HS6ST2: variants seen among roughly 807,000 people sequenced by gnomAD.
HS6ST2 encodes heparan sulfate 6-O-sulfotransferase 2.
A neutral mutation model predicts 33.0 loss-of-function variants in HS6ST2; 17 were observed. The ratio of observed to expected loss-of-function variants is 0.52; its 90% CI spans 0.35 to 0.77. HS6ST2 has a LOEUF of 0.77. Among genes scored for constraint, HS6ST2 ranks in the 30% least tolerant of loss-of-function variants. The probability of loss-of-function intolerance (pLI) is 0.01; values close to 1 mark genes in which losing one functional copy is unlikely to be tolerated. For missense variants in HS6ST2, 519 were observed against 551.7 expected (o/e 0.94, Z 0.59); for synonymous variants, 248 against 237.1 (o/e 1.05, Z -0.42).
intron 2 of HS6ST2, among the ~76,000 whole-genome samples, chrX:132,916,151 T>C (rs2066587793): frequency 9.0e-6 from 1 of 111,668 alleles, no homozygotes; most frequent in Non-Finnish European, 1.9e-5. Context: ...TGTAACATTG[T>C]GAAGAGAACT....
At chrX:132,699,350 A>G (rs2064125419) in intron 3 of HS6ST2, among the ~76,000 whole-genome samples, 1 of 111,789 alleles carries the variant, frequency 8.9e-6, no homozygotes, top group Admixed American at 9.5e-5. Context: ...TTTTATTTAT[A>G]CATATTTTGA....
At chrX:132,886,478 T>C (rs2066254032) in intron 2 of HS6ST2, among the ~76,000 whole-genome samples, 2 of 110,991 alleles carry the variant, frequency 1.8e-5, no homozygotes, top group African/African-American at 6.5e-5. Context: ...TTAATGAAAA[T>C]TCTAGGAGAG....
At chrX:132,778,684 C>T (rs925407296) in intron 2 of HS6ST2, among the ~76,000 whole-genome samples, 4 of 110,548 alleles carry the variant, frequency 3.6e-5, no homozygotes, top group Non-Finnish European at 3.8e-5. Flanking sequence ...GATTACAGGC[C>T]CGGCCAAAAT....
At chrX:132,634,813 C>T (rs2063541837) in intron 4 of HS6ST2, among the ~76,000 whole-genome samples, 2 of 111,486 alleles carry the variant, frequency 1.8e-5, no homozygotes, top group African/African-American at 6.5e-5. Context: ...TCCTTCAAAG[C>T]TTTGCTAAAT....
chrX:132,892,649 T>A, intron 2 of HS6ST2, among the ~76,000 whole-genome samples: 1 of 111,527 alleles, frequency 9.0e-6, no homozygotes, highest in Admixed American at 9.6e-5. Flanking sequence ...TGAAACCCCG[T>A]CTCTACTAAA....
chrX:132,637,900 A>ATATTATATATATATTTTATATATT (rs1320085879), intron 4 of HS6ST2, among the ~76,000 whole-genome samples: 1 of 45,660 alleles, frequency 2.2e-5, no homozygotes, highest in Admixed American at 3.7e-4. Flanking sequence ...TTTTATATAT[A>ATATTATATATATATTTTATATATT]ATATTATATA....
rs191350805 is a variant in HS6ST2 at position 132,817,170 on chromosome X, G to A, written c.948-108676C>T. Among the ~76,000 whole-genome samples the A allele has an allele frequency of 1.3e-4, 15 of 111,195 alleles. No individual in the cohort carries two copies. In the East Asian group the frequency reaches 4.0e-3, roughly 30 times the overall value. On this transcript the variant is annotated intron_variant, in intron 2 of 4. Transcript: ENST00000370833. ...GCATTGAGGTGGTTGAACAGGATTC[G>A]CATCTCCCCCCACCTTCCCCTCAAT...
chrX:132,797,969 C>T (rs1250868130), intron 2 of HS6ST2, among the ~76,000 whole-genome samples: 3 of 99,468 alleles, frequency 3.0e-5, no homozygotes, highest in Non-Finnish European at 6.0e-5. Flanking sequence ...GCCCAGATCG[C>T]GCCTCTGCAC....
At chrX:132,857,621 A>C (rs1320053784) in intron 2 of HS6ST2, among the ~76,000 whole-genome samples, 2 of 112,647 alleles carry the variant, frequency 1.8e-5, no homozygotes, top group Non-Finnish European at 3.8e-5. Flanking sequence ...AATAATAGGA[A>C]GGAAAAATGG....
At chrX:132,794,574 GATTATTATTATT>G (rs1556445928) in intron 2 of HS6ST2, among the ~76,000 whole-genome samples, 2 of 99,097 alleles carry the variant, frequency 2.0e-5, no homozygotes, top group Non-Finnish European at 4.0e-5. Flanking sequence ...TGATGATGAT[GATTATTATTATT>G]ATTATTATTA....
intron 2 of HS6ST2, among the ~76,000 whole-genome samples, chrX:132,876,124 T>A (rs1365563292): frequency 8.9e-6 from 1 of 111,845 alleles, no homozygotes; most frequent in African/African-American, 3.2e-5. Flanking sequence ...GTGACAAATA[T>A]GTGCTTGCTT....
At chrX:132,911,638 CTTT>C (rs767104982) in intron 2 of HS6ST2, among the ~76,000 whole-genome samples, 1 of 91,983 alleles carries the variant, frequency 1.1e-5, no homozygotes. Context: ...AGCACACACT[CTTT>C]TTTTTTTTTT....
chrX:132,677,293 A>T (rs1188387094), intron 3 of HS6ST2, among the ~76,000 whole-genome samples: 1 of 112,188 alleles, frequency 8.9e-6, no homozygotes, highest in Non-Finnish European at 1.9e-5. Context: ...ACACTACAGA[A>T]TGATACGAAC....
chrX:132,784,378 C>G (rs1024730434), intron 2 of HS6ST2, among the ~76,000 whole-genome samples: 1 of 111,514 alleles, frequency 9.0e-6, no homozygotes, highest in Admixed American at 9.6e-5. Flanking sequence ...GGTGCACTCT[C>G]GGCTCACCAC....
At chrX:132,796,820 A>G (rs2065184767) in intron 2 of HS6ST2, among the ~76,000 whole-genome samples, 1 of 112,502 alleles carries the variant, frequency 8.9e-6, no homozygotes, top group Non-Finnish European at 1.9e-5. Flanking sequence ...AAGACATGCA[A>G]CGATTTTTGG....
intron 2 of HS6ST2, among the ~76,000 whole-genome samples, chrX:132,876,644 C>T (rs891791066): frequency 8.2e-5 from 9 of 110,375 alleles, no homozygotes; most frequent in African/African-American, 3.0e-4. Flanking sequence ...AAGGAACACC[C>T]ACTCCTTTAT....
intron 3 of HS6ST2, among the ~76,000 whole-genome samples, chrX:132,704,627 C>A (rs769875304): frequency 8.9e-6 from 1 of 112,083 alleles, no homozygotes; most frequent in Non-Finnish European, 1.9e-5. Context: ...TCTTCCAGCA[C>A]CTAAAAACTG....
chrX:132,953,901 CT>C (rs1471351733), intron 2 of HS6ST2, among the ~76,000 whole-genome samples: 1 of 112,215 alleles, frequency 8.9e-6, no homozygotes, highest in Non-Finnish European at 1.9e-5. Flanking sequence ...AACTCAAGAC[CT>C]CACTGTGGTT....
intron 2 of HS6ST2, among the ~76,000 whole-genome samples, chrX:132,799,370 CT>C (rs771580446): frequency 2.2e-3 from 215 of 99,091 alleles, no homozygotes; most frequent in Middle Eastern, 0.021. Context: ...TTCTCTTTTA[CT>C]TTTTTTTTTT....
Sources: gnomAD v4.1 joint callset for allele counts (sites outside exome capture counted in the v4.1 genomes callset) on GRCh38, gnomAD v4.1.1 for gene constraint, MANE v1.5 for transcripts, NCBI Gene and HGNC (gene_info 2026-07-23, HGNC 2026-07-21) for gene names.